Variants in PRKN observed in about 807,000 individuals in gnomAD.
PRKN encodes E3 ubiquitin-protein ligase parkin.
In PRKN, 56 loss-of-function variants were observed where a neutral mutation model predicts 59.5. The ratio of observed to expected loss-of-function variants is 0.94; its 90% CI spans 0.76 to 1.18. The LOEUF is 1.18. Ranked by LOEUF, PRKN falls within the 50% of genes most tolerant of loss-of-function variation. The probability of loss-of-function intolerance (pLI) is 0.00; values close to 1 mark genes in which losing one functional copy is unlikely to be tolerated. For missense variants in PRKN, 657 were observed against 596.4 expected (o/e 1.10, Z -1.06); for synonymous variants, 250 against 222.1 (o/e 1.13, Z -1.12).
intron 6 of PRKN, among the ~76,000 whole-genome samples, chr6:161,835,679 G>C (rs1792723221): frequency 6.6e-6 from 1 of 152,188 alleles, no homozygotes; most frequent in African/African-American, 2.4e-5. Flanking sequence ...TCAGGCACAA[G>C]TGCAAACTTT....
At chr6:162,429,033 C>T (rs770572388) in intron 2 of PRKN, among the ~76,000 whole-genome samples, 1 of 152,314 alleles carries the variant, frequency 6.6e-6, no homozygotes, top group Middle Eastern at 3.4e-3. Flanking sequence ...TTTCCAAGCA[C>T]TTATCACTAA....
chr6:161,831,009 T>C (rs1308688404), intron 6 of PRKN, among the ~76,000 whole-genome samples: 1 of 152,174 alleles, frequency 6.6e-6, no homozygotes, highest in Non-Finnish European at 1.5e-5. Flanking sequence ...ACATTCTGGT[T>C]CATCTCACTG....
intron 4 of PRKN, among the ~76,000 whole-genome samples, chr6:162,120,652 T>C (rs1394277149): frequency 2.0e-5 from 3 of 152,222 alleles, no homozygotes; most frequent in Admixed American, 6.5e-5. Context: ...AGTTCCTGAA[T>C]ATGTAATTAG....
At chr6:161,793,387 A>G (rs1790715176) in intron 6 of PRKN, among the ~76,000 whole-genome samples, 1 of 152,100 alleles carries the variant, frequency 6.6e-6, no homozygotes, top group South Asian at 2.1e-4. Flanking sequence ...TGCATGGAAG[A>G]GGGTTTACTT....
intron 1 of PRKN, among the ~76,000 whole-genome samples, chr6:162,491,286 A>C (rs1206813978): frequency 1.3e-5 from 2 of 151,326 alleles, no homozygotes; most frequent in African/African-American, 4.9e-5. Context: ...AAAAAAAAAA[A>C]CCAACCAACC....
At chr6:161,747,408 T>C (rs1277867633) in intron 7 of PRKN, among the ~76,000 whole-genome samples, 3 of 152,110 alleles carry the variant, frequency 2.0e-5, no homozygotes, top group African/African-American at 7.2e-5. Context: ...TTTTTTTTTT[T>C]TCTCATCAGA....
intron 9 of PRKN, among the ~76,000 whole-genome samples, chr6:161,489,507 C>T (rs1461375225): frequency 6.6e-6 from 1 of 152,114 alleles, no homozygotes; most frequent in African/African-American, 2.4e-5. Flanking sequence ...TTGCAGTGAG[C>T]CAAGATGGCG....
At chr6:161,729,693 A>T (rs1787592248) in intron 7 of PRKN, among the ~76,000 whole-genome samples, 3 of 152,236 alleles carry the variant, frequency 2.0e-5, no homozygotes, top group Non-Finnish European at 2.9e-5. Flanking sequence ...AATTAAAAAT[A>T]TATAGTTCAA....
chr6:162,538,036 C>A (rs1335670119), intron 1 of PRKN, among the ~76,000 whole-genome samples: 2 of 152,200 alleles, frequency 1.3e-5, no homozygotes, highest in Non-Finnish European at 2.9e-5. Flanking sequence ...ATCTTCTCAA[C>A]TGAATATATC....
Position 161,588,080 on chromosome 6 carries a change from G to A in PRKN, c.872-18664C>T, listed in dbSNP as rs1781582531. 6.6e-6 allele frequency among the ~76,000 whole-genome samples: 1 copy of A among 152,068 alleles called. No individual in the cohort carries two copies. The highest frequency in any genetic ancestry group is 2.1e-4 in the South Asian group (1 of 4,830). ...CATGTCAATAGAGCGTTAATTATTA[G>A]GATTAAAAATTTACTCTATGGGGGG... On this transcript the variant is annotated intron_variant, in intron 7 of 11. Coordinates refer to ENST00000366898, the MANE Select transcript of PRKN (RefSeq NM_004562.3). This position sits in a 1 kb window ranked among gnomAD's most constrained non-coding sequence, Gnocchi z 5.0.
At chr6:162,471,677 T>A (rs940893381) in intron 1 of PRKN, among the ~76,000 whole-genome samples, 1 of 152,224 alleles carries the variant, frequency 6.6e-6, no homozygotes, top group South Asian at 2.1e-4. Context: ...ATTATTAGAA[T>A]TCATAAATTA....
intron 6 of PRKN, among the ~76,000 whole-genome samples, chr6:161,908,449 T>C (rs1010193225): frequency 6.6e-6 from 1 of 152,198 alleles, no homozygotes. Flanking sequence ...GAATTTGACA[T>C]ATCGACTGTA....
intron 1 of PRKN, among the ~76,000 whole-genome samples, chr6:162,503,115 T>C (rs1199224475): frequency 6.8e-6 from 1 of 147,236 alleles, no homozygotes; most frequent in Non-Finnish European, 1.5e-5. Context: ...TTTGGCACCC[T>C]ACAGAAAATA....
At chr6:162,653,375 C>T (rs2803099) in intron 1 of PRKN, among the ~76,000 whole-genome samples, 139,483 of 152,232 alleles carry the variant, frequency 0.92, 64,058 homozygotes, top group Admixed American at 0.97. Flanking sequence ...TGTATAAGCA[C>T]GTTCTTTGAA....
At chr6:161,913,885 C>CA (rs2128237553) in intron 6 of PRKN, among the ~76,000 whole-genome samples, 1 of 152,204 alleles carries the variant, frequency 6.6e-6, no homozygotes, top group East Asian at 1.9e-4. Context: ...GAGGAGAAAC[C>CA]AGAGCTCACT....
chr6:162,119,309 GA>G (rs138189132), intron 4 of PRKN, among the ~76,000 whole-genome samples: 1,817 of 152,318 alleles, frequency 0.012, 17 homozygotes, highest in Non-Finnish European at 0.018. Context: ...GATGATCAGG[GA>G]AAGGACTGTG....
intron 1 of PRKN, among the ~76,000 whole-genome samples, chr6:162,549,850 G>C (rs1470693557): frequency 6.6e-6 from 1 of 152,094 alleles, no homozygotes; most frequent in Non-Finnish European, 1.5e-5. Flanking sequence ...CGTTGGCCAG[G>C]CTGTCTCCAA....
chr6:162,079,779 C>G (rs780331872), intron 4 of PRKN, among the ~76,000 whole-genome samples: 12 of 152,088 alleles, frequency 7.9e-5, no homozygotes, highest in Non-Finnish European at 1.2e-4. Context: ...TTCCTGGAAA[C>G]TTTCTCTGCT....
At chr6:161,719,435 A>G (rs1787128947) in intron 7 of PRKN, among the ~76,000 whole-genome samples, 1 of 152,164 alleles carries the variant, frequency 6.6e-6, no homozygotes, top group Non-Finnish European at 1.5e-5. Flanking sequence ...TGCAGTCTCT[A>G]TAGCAACTAC....
Sources: allele counts gnomAD v4.1 joint callset (sites outside exome capture counted in the v4.1 genomes callset), GRCh38; gene constraint gnomAD v4.1.1; non-coding constraint Gnocchi (gnomAD v3.1); transcripts MANE v1.5; gene names NCBI Gene and HGNC (gene_info 2026-07-23, HGNC 2026-07-21).